DCC: variants seen among roughly 807,000 people sequenced by gnomAD.
The protein encoded by DCC is netrin receptor DCC.
DCC carries 58 observed loss-of-function variants against 172.5 expected under a neutral mutation model. The ratio of observed to expected loss-of-function variants is 0.34; its 90% CI spans 0.27 to 0.42. The LOEUF (loss-of-function observed/expected upper bound fraction) is 0.42. DCC is among the 10% of genes least tolerant of loss of function. DCC has a pLI of 1.00. For missense variants in DCC, 1,740 were observed against 1,791.0 expected (o/e 0.97, Z 0.51); for synonymous variants, 709 against 644.5 (o/e 1.10, Z -1.52).
intron 13 of DCC, among the ~76,000 whole-genome samples, chr18:53,316,402 G>A (rs1010715396): frequency 2.0e-5 from 3 of 151,882 alleles, no homozygotes; most frequent in South Asian, 2.1e-4. Flanking sequence ...CTCCAGCTTC[G>A]TTGTTTCTGC....
chr18:53,020,683 A>G (rs997630423), intron 5 of DCC, among the ~76,000 whole-genome samples: 5 of 152,176 alleles, frequency 3.3e-5, no homozygotes, highest in African/African-American at 1.2e-4. Context: ...ATCTTCTCAT[A>G]TGTTTGTTTT....
At chr18:53,516,485 A>G (rs1375238801) in intron 27 of DCC, among the ~76,000 whole-genome samples, 2 of 148,334 alleles carry the variant, frequency 1.3e-5, no homozygotes, top group Admixed American at 6.6e-5. Context: ...CTGCACAGCA[A>G]AAGAAACTAC....
chr18:52,877,928 T>TG (rs914674203), intron 2 of DCC, among the ~76,000 whole-genome samples: 1 of 152,152 alleles, frequency 6.6e-6, no homozygotes, highest in Non-Finnish European at 1.5e-5. Context: ...TTAATGATAA[T>TG]GTAAAGAGTA....
intron 28 of DCC, among the ~76,000 whole-genome samples, chr18:53,528,312 G>GTGT (rs1457569584): frequency 6.6e-6 from 1 of 152,054 alleles, no homozygotes; most frequent in Non-Finnish European, 1.5e-5. Flanking sequence ...TGGCAGATGA[G>GTGT]TGTTATCTAC....
chr18:53,265,229 A>C (rs1340031603), intron 12 of DCC, among the ~76,000 whole-genome samples: 1 of 152,184 alleles, frequency 6.6e-6, no homozygotes, highest in Non-Finnish European at 1.5e-5. Flanking sequence ...CTTAGCTGTA[A>C]CCTGGTTCAG....
rs1425465262 is a variant in DCC, at chr18:53,499,417, C to T, written c.4018C>T (p.His1340Tyr). 1 of 1,614,134 alleles carries T rather than the reference C, an allele frequency of 6.2e-7. No individual in the cohort carries two copies. The highest frequency in any genetic ancestry group is 1.7e-5 in the Admixed American group (1 of 60,012). ...TIPTACVRPT[H>Y]PLRSFANPLL... ...CCCCACAGCTTGTGTTCGACCAACT[C>T]ACCCACTCCGCAGCTTTGCTAATCC... Residue 1340 changes from histidine (H) to tyrosine (Y), a missense_variant, in exon 27 of 29, where the codon CAC becomes TAC. His to Tyr is a moderately conservative substitution (Grantham distance 83, BLOSUM62 2). Coordinates refer to ENST00000442544, the MANE Select transcript of DCC (RefSeq NM_005215.4).
intron 9 of DCC, among the ~76,000 whole-genome samples, chr18:53,181,986 A>G (rs2055205277): frequency 6.6e-6 from 1 of 152,240 alleles, no homozygotes; most frequent in African/African-American, 2.4e-5. Context: ...AATGACAGCC[A>G]TGTCTATGCT....
At chr18:53,205,572 G>A (rs550781303) in intron 10 of DCC, among the ~76,000 whole-genome samples, 2 of 152,278 alleles carry the variant, frequency 1.3e-5, no homozygotes, top group South Asian at 4.1e-4. Flanking sequence ...AGAGGTAAAT[G>A]GGCAATAAAG....
chr18:52,850,348 A>G (rs2038956249), intron 2 of DCC, among the ~76,000 whole-genome samples: 1 of 152,178 alleles, frequency 6.6e-6, no homozygotes, highest in Non-Finnish European at 1.5e-5. Flanking sequence ...CTTTTCGGAA[A>G]CATTTCTCAG....
intron 5 of DCC, among the ~76,000 whole-genome samples, chr18:52,947,966 A>T (rs936477801): frequency 2.0e-5 from 3 of 152,154 alleles, no homozygotes; most frequent in African/African-American, 7.2e-5. Context: ...CACAATTTCT[A>T]CCTCTAAAAG....
intron 5 of DCC, among the ~76,000 whole-genome samples, chr18:52,947,775 G>A (rs2040571777): frequency 6.6e-6 from 1 of 152,156 alleles, no homozygotes; most frequent in African/African-American, 2.4e-5. Context: ...TGGGTTCCTT[G>A]AAGTCCATTC....
intron 3 of DCC, among the ~76,000 whole-genome samples, chr18:52,917,145 A>C (rs1336056117): frequency 1.3e-5 from 2 of 150,414 alleles, no homozygotes; most frequent in Non-Finnish European, 3.0e-5. Flanking sequence ...AACAAAAAAA[A>C]AAAAACAAGA....
At chr18:53,077,998 G>C (rs1275009228) in intron 7 of DCC, among the ~76,000 whole-genome samples, 1 of 152,094 alleles carries the variant, frequency 6.6e-6, no homozygotes, top group Non-Finnish European at 1.5e-5. Context: ...CATAATTGTT[G>C]CTATCCAGAA....
intron 1 of DCC, among the ~76,000 whole-genome samples, chr18:52,415,595 G>T (rs1237805519): frequency 2.0e-5 from 3 of 152,150 alleles, no homozygotes; most frequent in Non-Finnish European, 2.9e-5. Flanking sequence ...AGTGCATAAG[G>T]CTGAGAGAGC....
At chr18:52,528,028 T>A (rs1173268272) in intron 1 of DCC, among the ~76,000 whole-genome samples, 1 of 152,212 alleles carries the variant, frequency 6.6e-6, no homozygotes, top group Non-Finnish European at 1.5e-5. Flanking sequence ...TCTAAAATAT[T>A]CTTGTTGCCC....
Position 52,502,056 on chromosome 18 carries a change from CTG to C in DCC, c.91+161181_91+161182del, listed in dbSNP as rs542359930. ...AAATAGAAGTTCTAAATATGAGAAA[CTG>C]TGAAATCCTGCCTTCCAGCTCTGCA... On this transcript the variant is annotated intron_variant, in intron 1 of 28. Transcript: ENST00000442544. Among the ~76,000 whole-genome samples, 43 of 152,292 alleles carry C rather than the reference CTG, an allele frequency of 2.8e-4. No homozygotes were observed. In the South Asian group the frequency reaches 8.1e-3, roughly 29 times the overall value.
chr18:53,446,085 G>C (rs1912580112), intron 22 of DCC, among the ~76,000 whole-genome samples: 1 of 75,716 alleles, frequency 1.3e-5, no homozygotes, highest in Non-Finnish European at 2.6e-5. Flanking sequence ...AACATAAGAA[G>C]ACCCTGTCTC....
intron 1 of DCC, among the ~76,000 whole-genome samples, chr18:52,494,938 T>G (rs536558985): frequency 7.9e-5 from 12 of 152,266 alleles, no homozygotes; most frequent in African/African-American, 2.9e-4. Context: ...CTGTCTTCCT[T>G]CACTCTTTTC....
At chr18:52,342,637 G>T (rs1367376377) in intron 1 of DCC, among the ~76,000 whole-genome samples, 1 of 152,190 alleles carries the variant, frequency 6.6e-6, no homozygotes, top group Non-Finnish European at 1.5e-5. Context: ...GGGAAGTTCA[G>T]GGGGCATCCC....
Sources: gnomAD v4.1 joint callset for allele counts (sites outside exome capture counted in the v4.1 genomes callset) on GRCh38, gnomAD v4.1.1 for gene constraint, MANE v1.5 for transcripts, NCBI Gene and HGNC (gene_info 2026-07-23, HGNC 2026-07-21) for gene names.